Variants in ARID1B observed in about 807,000 individuals in gnomAD.
ARID1B encodes AT-rich interaction domain 1B, also known as AT-rich interactive domain-containing protein 1B.
In ARID1B, 30 loss-of-function variants were observed where a neutral mutation model predicts 212.3. That is an observed-to-expected ratio of 0.14 (90% CI 0.11 to 0.19). The LOEUF is 0.19. Ranked by LOEUF, ARID1B falls within the 10% of genes least tolerant of loss-of-function variation. The probability of loss-of-function intolerance (pLI) is 1.00; values close to 1 mark genes in which losing one functional copy is unlikely to be tolerated. For missense variants in ARID1B, 2,891 were observed against 3,204.0 expected, an observed-to-expected ratio of 0.90 and a Z score of 2.36; for synonymous variants, 1,402 against 1,301.7, an observed-to-expected ratio of 1.08 and a Z score of -1.66.
At chr6:157,117,453 A>T (rs900038422) in intron 6 of ARID1B, among the ~76,000 whole-genome samples, 1 of 152,208 alleles carries the variant, frequency 6.6e-6, no homozygotes, top group Admixed American at 6.5e-5. Context: ...TTCTATTTGC[A>T]TAGTGCACAC....
In ARID1B at chr6:156,930,758, G is replaced by A. The variant is rs368401492; in HGVS notation, c.2137-4708G>A. Among the ~76,000 whole-genome samples the A allele has an allele frequency of 1.2e-4, 18 of 152,046 alleles. No homozygotes were observed. The East Asian group carries it at 3.5e-3, about 29-fold the overall frequency. ...AGATATTTAGTTGCAGATATAGAAT[G>A]AGCTCTACAATATATTAAGAGGCTG... On this transcript the variant is annotated intron_variant, in intron 3 of 19. Coordinates refer to ENST00000636930, the MANE Select transcript of ARID1B (RefSeq NM_001374828.1).
chr6:156,923,268 A>T (rs1790953093), intron 3 of ARID1B, among the ~76,000 whole-genome samples: 1 of 152,220 alleles, frequency 6.6e-6, no homozygotes, highest in Non-Finnish European at 1.5e-5. Context: ...ATCATAATTT[A>T]ATGAAAATAT....
intron 12 of ARID1B, among the ~76,000 whole-genome samples, chr6:157,183,930 T>C (rs1792762514): frequency 6.6e-6 from 1 of 152,208 alleles, no homozygotes; most frequent in African/African-American, 2.4e-5. Context: ...TGTTGCTTTT[T>C]AAATGTTTTG....
chr6:156,979,149 A>G lies in ARID1B; in HGVS notation c.2247+43573A>G, dbSNP rs561571513. Among the ~76,000 whole-genome samples, 7 of 152,322 alleles carry G rather than the reference A, an allele frequency of 4.6e-5. No individual in the cohort carries two copies. The South Asian group carries it at 6.2e-4, about 14-fold the overall frequency. On this transcript the variant is annotated intron_variant, in intron 4 of 19. Coordinates refer to ENST00000636930, the MANE Select transcript of ARID1B (RefSeq NM_001374828.1). ...TTGCAGTTCTGTTATTACTGTTTCT[A>G]TACTTACCAGGTGACAGAGTCATTT...
intron 8 of ARID1B, among the ~76,000 whole-genome samples, chr6:157,154,580 G>GTTTTTTTTTT (rs1274752634): frequency 2.7e-5 from 3 of 111,564 alleles, no homozygotes; most frequent in African/African-American, 3.6e-5. Context: ...TTTTTTTTTT[G>GTTTTTTTTTT]TTTTTTTTTT....
At chr6:157,111,220 C>G (rs1786893738) in intron 6 of ARID1B, 1 of 152,646 alleles carries the variant, frequency 6.6e-6, no homozygotes, top group Non-Finnish European at 1.5e-5. Flanking sequence ...TTAGCTCAGT[C>G]CTGCCTGTCA....
chr6:157,199,869 G>T (rs1426047895), intron 17 of ARID1B, among the ~76,000 whole-genome samples: 2 of 152,008 alleles, frequency 1.3e-5, no homozygotes, highest in Non-Finnish European at 2.9e-5. Flanking sequence ...GTTTCACCAT[G>T]TTGGCCAGGC....
intron 2 of ARID1B, among the ~76,000 whole-genome samples, chr6:156,846,150 T>TG (rs1266890373): frequency 7.3e-4 from 74 of 101,904 alleles, no homozygotes; most frequent in African/African-American, 2.1e-3. Flanking sequence ...GAGGCTATTT[T>TG]TTTTGTTTGT....
At chr6:157,109,252 G>T (rs1275403702) in intron 5 of ARID1B, among the ~76,000 whole-genome samples, 1 of 151,982 alleles carries the variant, frequency 6.6e-6, no homozygotes. Context: ...CTTCACGGGG[G>T]GCGAATTGGT....
At chr6:156,934,946 A>ATATATATATATG (rs1792065454) in intron 3 of ARID1B, among the ~76,000 whole-genome samples, 2 of 91,182 alleles carry the variant, frequency 2.2e-5, no homozygotes, top group South Asian at 3.0e-4. Flanking sequence ...ATATATATAT[A>ATATATATATATG]TATATATATA....
intron 2 of ARID1B, among the ~76,000 whole-genome samples, chr6:156,847,590 G>A (rs1784315241): frequency 6.6e-6 from 1 of 152,146 alleles, no homozygotes; most frequent in Admixed American, 6.5e-5. Flanking sequence ...GAGTTTTGGA[G>A]GTTTCTTGCA....
At chr6:157,150,908 T>C (rs752874921) in intron 8 of ARID1B, 8 of 175,406 alleles carry the variant, frequency 4.6e-5, no homozygotes, top group Non-Finnish European at 9.8e-5. Flanking sequence ...TCTCTGAAAC[T>C]GTTAACGATC....
intron 4 of ARID1B, chr6:156,938,347 A>G (rs988266268): frequency 6.6e-6 from 1 of 152,058 alleles, no homozygotes; most frequent in Non-Finnish European, 1.5e-5. Flanking sequence ...GATTCTGGAG[A>G]GCCCATGAAG....
intron 4 of ARID1B, among the ~76,000 whole-genome samples, chr6:157,015,721 C>T (rs1320180127): frequency 6.6e-6 from 1 of 152,198 alleles, no homozygotes; most frequent in East Asian, 1.9e-4. Context: ...TGCTGACTTA[C>T]CGTATAACCC....
chr6:157,002,140 G>A (rs1778949358), intron 4 of ARID1B, among the ~76,000 whole-genome samples: 1 of 152,152 alleles, frequency 6.6e-6, no homozygotes, highest in African/African-American at 2.4e-5. Flanking sequence ...AGTTCCTCCT[G>A]TTTCCTGATT....
chr6:157,184,700 G>T (rs148664708), intron 13 of ARID1B: 1 of 535,478 alleles, frequency 1.9e-6, no homozygotes, highest in South Asian at 2.1e-5. Flanking sequence ...ACAGGCTTTC[G>T]AATTCTAAGC....
chr6:157,036,615 G>A (rs1167042318), intron 4 of ARID1B: 2 of 326,442 alleles, frequency 6.1e-6, no homozygotes. Context: ...TTTGATAGGA[G>A]CTCCCGCCGT....
At position 157,036,649 on chromosome 6, in the gene ARID1B, G is replaced by T. The variant is rs1292987783; in HGVS notation, c.2248-48013G>T. The T allele has an allele frequency of 8.9e-6, 3 of 337,890 alleles. No individual in the cohort carries two copies. In the East Asian group the frequency reaches 1.9e-4, roughly 22 times the overall value. The allele number at this position is 337,890 out of a possible 1,614,324, so 20.9% of individuals were successfully genotyped here. A position where few individuals can be genotyped will look rare whatever the true frequency, so the allele number is the denominator to read the frequency against. ...GTCTTATAGAACTGAAACCCAGACG[G>T]TGACTGGGATTTCAGCCCAGCTCTT... On this transcript the variant is annotated intron_variant, in intron 4 of 19. Coordinates refer to ENST00000636930, the MANE Select transcript of ARID1B (RefSeq NM_001374828.1).
At chr6:156,788,678 A>T (rs1346218200) in intron 1 of ARID1B, among the ~76,000 whole-genome samples, 1 of 152,170 alleles carries the variant, frequency 6.6e-6, no homozygotes, top group East Asian at 1.9e-4. Context: ...TATGATTTAG[A>T]CTTGATCCTT....
Sources: allele counts gnomAD v4.1 joint callset (sites outside exome capture counted in the v4.1 genomes callset), GRCh38; gene constraint gnomAD v4.1.1; transcripts MANE v1.5; gene names NCBI Gene and HGNC (gene_info 2026-07-23, HGNC 2026-07-21).